Variants in TBCE observed in about 807,000 individuals in gnomAD.
TBCE encodes tubulin folding cofactor E.
Under a neutral mutation model 77.0 loss-of-function variants are expected in TBCE, and 53 were observed. That is an observed-to-expected ratio of 0.69 (90% CI 0.55 to 0.87). TBCE has a LOEUF of 0.87. Ranked by LOEUF, TBCE falls within the 40% of genes least tolerant of loss-of-function variation. TBCE has a pLI of 0.00. For missense variants in TBCE, 624 were observed against 622.4 expected, an observed-to-expected ratio of 1.00 and a Z score of -0.03; for synonymous variants, 235 against 241.3, an observed-to-expected ratio of 0.97 and a Z score of 0.24.
In TBCE at chr1:235,416,523, C is replaced by T. The variant is rs567671309; in HGVS notation, c.371+1905C>T. ...CCTAGGTGACATAGTGAGACCTTGT[C>T]TCAAATGACACACAAACCAAAAAAA... is the stretch of plus-strand genomic sequence containing the variant. On this transcript the variant is annotated intron_variant, in intron 4 of 16. Coordinates refer to ENST00000642610, the MANE Select transcript of TBCE (RefSeq NM_003193.5). Among the ~76,000 whole-genome samples the T allele has an allele frequency of 4.4e-3, 615 of 138,532 alleles. 4 individuals carry two copies. The highest frequency in any genetic ancestry group is 0.016 in the African/African-American group (586 of 35,976). 90.9% of individuals were successfully genotyped at this position (138,532 alleles called of 152,430 possible). A position where few individuals can be genotyped will look rare whatever the true frequency, so the allele number is the denominator to read the frequency against.
intron 5 of TBCE, among the ~76,000 whole-genome samples, chr1:235,425,048 C>T (rs1006257613): frequency 2.0e-5 from 3 of 152,114 alleles, no homozygotes; most frequent in Non-Finnish European, 2.9e-5. Context: ...GACTTGGGAG[C>T]CCTGGGCTTC....
intron 2 of TBCE, among the ~76,000 whole-genome samples, chr1:235,388,176 A>G: frequency 6.6e-6 from 1 of 151,978 alleles, no homozygotes; most frequent in Non-Finnish European, 1.5e-5. Flanking sequence ...TACTATTCCT[A>G]TGTTTATAGA....
intron 2 of TBCE, among the ~76,000 whole-genome samples, chr1:235,393,831 G>A (rs1019464228): frequency 3.9e-5 from 6 of 152,108 alleles, no homozygotes; most frequent in Non-Finnish European, 8.8e-5. Flanking sequence ...ATGTTTTCAT[G>A]TTCTGGGAGT....
intron 5 of TBCE, 112 bp downstream of exon 5, chr1:235,419,673 T>G: frequency 1.4e-6 from 2 of 1,448,336 alleles, no homozygotes; most frequent in South Asian, 1.2e-5. Context: ...TCCTTCCTAA[T>G]GCAGTTCAGT....
At chr1:235,445,529 G>C (rs1205415310) in intron 15 of TBCE, among the ~76,000 whole-genome samples, 1 of 152,142 alleles carries the variant, frequency 6.6e-6, no homozygotes, top group Non-Finnish European at 1.5e-5. Context: ...CCAGCTGCTT[G>C]GGCGGCTGAG....
chr1:235,434,067 C>G (rs1351947786), intron 7 of TBCE, 137 bp from the exon 8 acceptor site: 1 of 792,892 alleles, frequency 1.3e-6, no homozygotes, highest in Non-Finnish European at 2.2e-6. Context: ...AGGCCTGAAA[C>G]AGTCTTATGA....
Position 235,380,026 on chromosome 1 carries a change from A to G in TBCE, c.-24A>G, listed in dbSNP as rs1380011178. ...TTGTATTTTTCTTCCTAGATCTCAT[A>G]TTTTGGATTCTGGATATATTATAAT... On this transcript the variant is annotated 5_prime_UTR_variant, in exon 2 of 17. The change creates a new upstream start codon in the 5' untranslated region. Transcript: ENST00000642610. The G allele has an allele frequency of 1.3e-6, 2 of 1,583,080 alleles. No individual in the cohort carries two copies. The highest frequency in any genetic ancestry group is 1.7e-6 in the Non-Finnish European group (2 of 1,152,316).
At chr1:235,407,550 A>G (rs1313823161) in intron 3 of TBCE, among the ~76,000 whole-genome samples, 2 of 152,192 alleles carry the variant, frequency 1.3e-5, no homozygotes, top group East Asian at 1.9e-4. Flanking sequence ...TAGCTATTAA[A>G]TAAAACTGGC....
intron 3 of TBCE, among the ~76,000 whole-genome samples, chr1:235,406,114 T>C (rs1011583498): frequency 2.6e-5 from 4 of 152,230 alleles, no homozygotes; most frequent in African/African-American, 9.6e-5. Context: ...GGCACTTTGT[T>C]GACATTAAAA....
intron 14 of TBCE, 133 bp from the exon 15 acceptor site, chr1:235,442,719 T>A (rs970740492): frequency 1.1e-5 from 9 of 789,500 alleles, no homozygotes; most frequent in Non-Finnish European, 1.9e-5. Context: ...ATAGAAAGAA[T>A]TTTAAACATT....
intron 15 of TBCE, among the ~76,000 whole-genome samples, 170 bp from the exon 16 acceptor site, chr1:235,448,179 G>A (rs200439679): frequency 4.5e-5 from 6 of 134,336 alleles, no homozygotes; most frequent in African/African-American, 1.5e-4. Flanking sequence ...CAGCCTGGGC[G>A]ACAGAGCAAG....
At chr1:235,420,007 C>A (rs1452923240) in intron 5 of TBCE, among the ~76,000 whole-genome samples, 1 of 152,054 alleles carries the variant, frequency 6.6e-6, no homozygotes, top group Non-Finnish European at 1.5e-5. Context: ...ATTGCTTGAA[C>A]CCGCTAGGCG....
intron 15 of TBCE, among the ~76,000 whole-genome samples, chr1:235,447,056 G>A (rs1052065525): frequency 6.6e-6 from 1 of 152,090 alleles, no homozygotes; most frequent in African/African-American, 2.4e-5. Context: ...GTGTGCAGCA[G>A]GTAACCCCTT....
chr1:235,416,883 A>G (rs898559898), intron 4 of TBCE, among the ~76,000 whole-genome samples: 1 of 152,212 alleles, frequency 6.6e-6, no homozygotes, highest in Non-Finnish European at 1.5e-5. Flanking sequence ...GCCGCCAGCT[A>G]AGGCACTTTT....
chr1:235,385,426 C>T (rs1297160027), intron 2 of TBCE, among the ~76,000 whole-genome samples: 3 of 151,990 alleles, frequency 2.0e-5, no homozygotes, highest in Non-Finnish European at 4.4e-5. Flanking sequence ...GTGTTAAAGT[C>T]TCCCATTATC....
chr1:235,412,897 G>A (rs1679894372), intron 3 of TBCE, among the ~76,000 whole-genome samples: 2 of 152,054 alleles, frequency 1.3e-5, no homozygotes, highest in Admixed American at 6.5e-5. Flanking sequence ...TCTGCCTCCC[G>A]GGTTCAAGTG....
At chr1:235,428,063 G>T (rs562414601) in intron 6 of TBCE, among the ~76,000 whole-genome samples, 11 of 151,210 alleles carry the variant, frequency 7.3e-5, no homozygotes, top group African/African-American at 2.7e-4. Flanking sequence ...AGTGGCTCAC[G>T]CCTGGAATCC....
chr1:235,378,212 A>T (rs1270628328), intron 1 of TBCE, among the ~76,000 whole-genome samples: 4 of 151,886 alleles, frequency 2.6e-5, no homozygotes, highest in Admixed American at 2.0e-4. Context: ...GTTATCTTTT[A>T]TTTGTGTTTT....
In TBCE at chr1:235,450,061, C is replaced by G; in HGVS notation, c.*1299C>G. Reference sequence around the variant, plus strand: ...AAATTTGTGCAAACATTAAGAAACACCGCATTGGTTCTGGGTGAAAGTGCC... The same window carrying G: ...AAATTTGTGCAAACATTAAGAAACAGCGCATTGGTTCTGGGTGAAAGTGCC... On this transcript the variant is annotated 3_prime_UTR_variant, in exon 17 of 17. Transcript: ENST00000642610. 1 of 930,908 alleles carries G rather than the reference C, an allele frequency of 1.1e-6. No homozygotes were observed. The highest frequency in any genetic ancestry group is 1.6e-6 in the Non-Finnish European group (1 of 628,356). The allele number at this position is 930,908 out of a possible 1,614,324, so 57.7% of individuals were successfully genotyped here. A position where few individuals can be genotyped will look rare whatever the true frequency, so the allele number is the denominator to read the frequency against.
Sources: gnomAD v4.1 joint callset for allele counts (sites outside exome capture counted in the v4.1 genomes callset) on GRCh38, gnomAD v4.1.1 for gene constraint, MANE v1.5 for transcripts, NCBI Gene and HGNC (gene_info 2026-07-23, HGNC 2026-07-21) for gene names.